EPB41L5: variants seen among roughly 807,000 people sequenced by gnomAD.
EPB41L5 encodes erythrocyte membrane protein band 4.1 like 5.
EPB41L5 carries 55 observed loss-of-function variants against 106.6 expected under a neutral mutation model. That is an observed-to-expected ratio of 0.52 (90% CI 0.42 to 0.65). EPB41L5 has a LOEUF of 0.65. Ranked by LOEUF, EPB41L5 falls within the 30% of genes least tolerant of loss-of-function variation. EPB41L5 has a pLI of 0.00. For synonymous variants in EPB41L5, 297 were observed against 306.7 expected (o/e 0.97, Z 0.33); for missense variants, 871 against 882.1 (o/e 0.99, Z 0.16).
intron 2 of EPB41L5, among the ~76,000 whole-genome samples, chr2:120,020,829 AGAG>A (rs74741497): frequency 0.066 from 9,899 of 149,460 alleles, 397 homozygotes; most frequent in African/African-American, 0.11. Flanking sequence ...AAAAAAAAAA[AGAG>A]GTTTTTAAAA....
chr2:120,055,856 A>G (rs575825798), intron 3 of EPB41L5, among the ~76,000 whole-genome samples: 1 of 152,256 alleles, frequency 6.6e-6, no homozygotes, highest in Non-Finnish European at 1.5e-5. Flanking sequence ...GTTTTTATGT[A>G]TAAGATCATG....
At chr2:120,052,654 A>T (rs561803091) in intron 3 of EPB41L5, among the ~76,000 whole-genome samples, 1 of 152,276 alleles carries the variant, frequency 6.6e-6, no homozygotes, top group African/African-American at 2.4e-5. Context: ...TTCTATGTTC[A>T]TTTGACATGG....
At chr2:120,137,121 C>A (rs1161099958) in intron 18 of EPB41L5, among the ~76,000 whole-genome samples, 2 of 151,966 alleles carry the variant, frequency 1.3e-5, no homozygotes, top group Non-Finnish European at 2.9e-5. Flanking sequence ...TTCCAAATGA[C>A]CAGTGGGTCA....
At chr2:120,115,105 A>T (rs867825498) in intron 16 of EPB41L5, among the ~76,000 whole-genome samples, 1 of 151,846 alleles carries the variant, frequency 6.6e-6, no homozygotes, top group African/African-American at 2.4e-5. Flanking sequence ...TAGTGTTTGG[A>T]TGGTACATTT....
At chr2:120,032,645 C>G (rs1678792306) in intron 2 of EPB41L5, among the ~76,000 whole-genome samples, 1 of 152,120 alleles carries the variant, frequency 6.6e-6, no homozygotes, top group African/African-American at 2.4e-5. Context: ...CTTAGACTGT[C>G]AAGATTTCAG....
intron 10 of EPB41L5, among the ~76,000 whole-genome samples, chr2:120,083,831 A>G (rs1254484185): frequency 2.0e-5 from 3 of 152,192 alleles, no homozygotes; most frequent in Non-Finnish European, 2.9e-5. Flanking sequence ...TTCTTGTTGA[A>G]TTGATCTCTT....
intron 20 of EPB41L5, among the ~76,000 whole-genome samples, chr2:120,156,058 T>A (rs1234523339): frequency 6.6e-6 from 1 of 152,166 alleles, no homozygotes; most frequent in Non-Finnish European, 1.5e-5. Flanking sequence ...GAGGGTTTGG[T>A]GCAGGAGCAT....
At chr2:120,030,499 C>T (rs1016715811) in intron 2 of EPB41L5, among the ~76,000 whole-genome samples, 1 of 152,222 alleles carries the variant, frequency 6.6e-6, no homozygotes, top group Non-Finnish European at 1.5e-5. Context: ...ATGATTCCAT[C>T]TTCAACCTGA....
chr2:120,155,738 A>C (rs529332123), intron 20 of EPB41L5, among the ~76,000 whole-genome samples: 1 of 151,656 alleles, frequency 6.6e-6, no homozygotes, highest in South Asian at 2.1e-4. Flanking sequence ...ACCTGTCTTT[A>C]AGTTCACTGA....
chr2:120,174,456 C>A (rs1211874298), intron 24 of EPB41L5, among the ~76,000 whole-genome samples: 1 of 117,274 alleles, frequency 8.5e-6, no homozygotes, highest in African/African-American at 2.7e-5. Flanking sequence ...CAGAGCAAGA[C>A]CCCGTCTCAC....
intron 3 of EPB41L5, among the ~76,000 whole-genome samples, chr2:120,058,585 G>T (rs1680818350): frequency 6.6e-6 from 1 of 152,202 alleles, no homozygotes; most frequent in Non-Finnish European, 1.5e-5. Context: ...TGGTGGAGGG[G>T]ATGTGGTGAA....
At chr2:120,174,064 G>A (rs538163499) in intron 24 of EPB41L5, among the ~76,000 whole-genome samples, 5 of 152,254 alleles carry the variant, frequency 3.3e-5, no homozygotes, top group East Asian at 3.9e-4. Flanking sequence ...AGAAATTCAC[G>A]AGCCCTCATG....
At chr2:120,105,901 G>A (rs1365669486) in intron 16 of EPB41L5, 1 of 984,750 alleles carries the variant, frequency 1.0e-6, no homozygotes, top group African/African-American at 1.7e-5. Flanking sequence ...GGTTTCATGG[G>A]TATGTATATC....
rs1687909722 is a variant in EPB41L5, at chr2:120,176,088, T to C, written c.*1181T>C. 1 of 152,604 alleles carries C rather than the reference T, an allele frequency of 6.6e-6. No homozygotes were observed. Among genetic ancestry groups the C allele is most frequent in the Non-Finnish European group, 1.5e-5 (1 of 68,026 alleles). 9.5% of individuals were successfully genotyped at this position (152,604 alleles called of 1,614,324 possible). On this transcript the variant is annotated 3_prime_UTR_variant, in exon 25 of 25. Transcript: ENST00000263713. Reference sequence around the variant, plus strand: ...AAATTCTGGATGTTAAAATAATATATACTCATCACAGAAAAATAAAGTATA... The same window carrying C: ...AAATTCTGGATGTTAAAATAATATACACTCATCACAGAAAAATAAAGTATA...
At chr2:120,167,418 AAGTC>A in intron 22 of EPB41L5, 44 bp from the exon 23 acceptor site, 2 of 1,472,446 alleles carry the variant, frequency 1.4e-6, no homozygotes, top group Non-Finnish European at 1.9e-6. Flanking sequence ...GTATGAAAAT[AAGTC>A]AGTCTTTCCA....
At chr2:120,072,831 G>A (rs913359765) in intron 3 of EPB41L5, among the ~76,000 whole-genome samples, 3 of 151,974 alleles carry the variant, frequency 2.0e-5, no homozygotes, top group African/African-American at 7.3e-5. Flanking sequence ...ATCTAATGTA[G>A]ATGATGTGTT....
intron 16 of EPB41L5, among the ~76,000 whole-genome samples, chr2:120,113,622 T>A (rs2105432519): frequency 1.3e-5 from 2 of 152,340 alleles, no homozygotes; most frequent in South Asian, 4.1e-4. Context: ...TTCCGTAACA[T>A]TTTTATCCCC....
At chr2:120,069,051 C>T (rs1449505731) in intron 3 of EPB41L5, among the ~76,000 whole-genome samples, 15 of 144,824 alleles carry the variant, frequency 1.0e-4, no homozygotes, top group African/African-American at 3.9e-4. Context: ...TCTCTTGAAT[C>T]CAGGATGCAG....
At chr2:120,124,530 A>G (rs1685372435) in intron 16 of EPB41L5, among the ~76,000 whole-genome samples, 2 of 152,200 alleles carry the variant, frequency 1.3e-5, no homozygotes, top group African/African-American at 4.8e-5. Flanking sequence ...TGCAGACATG[A>G]CGTTACTTCA....
Sources: gnomAD v4.1 joint callset for allele counts (sites outside exome capture counted in the v4.1 genomes callset) on GRCh38, gnomAD v4.1.1 for gene constraint, MANE v1.5 for transcripts, NCBI Gene and HGNC (gene_info 2026-07-23, HGNC 2026-07-21) for gene names.